OPCML: variants seen among roughly 807,000 people sequenced by gnomAD.
OPCML encodes the protein opioid binding protein/cell adhesion molecule like.
Under a neutral mutation model 37.8 loss-of-function variants are expected in OPCML, and 13 were observed. The observed-to-expected ratio is 0.34, with a 90% CI of 0.22 to 0.55. OPCML has a LOEUF of 0.55. Among genes scored for constraint, OPCML ranks in the 20% least tolerant of loss-of-function variants. The pLI is 0.91. For missense variants in OPCML, 341 were observed against 435.6 expected, an observed-to-expected ratio of 0.78 and a Z score of 1.93; for synonymous variants, 176 against 168.8, an observed-to-expected ratio of 1.04 and a Z score of -0.33.
At chr11:132,698,455 C>T (rs929212356) in intron 2 of OPCML, among the ~76,000 whole-genome samples, 3 of 151,812 alleles carry the variant, frequency 2.0e-5, no homozygotes, top group Non-Finnish European at 4.4e-5. Context: ...GAAAAATGTC[C>T]GTTCAGGTCC....
At chr11:133,142,605 G>C (rs1248700579) in intron 1 of OPCML, among the ~76,000 whole-genome samples, 2 of 152,120 alleles carry the variant, frequency 1.3e-5, no homozygotes, top group Admixed American at 6.5e-5. Flanking sequence ...TTACTCACAT[G>C]GGTAGTCCTG....
chr11:133,301,838 C>T (rs954829070), intron 1 of OPCML: 1 of 152,036 alleles, frequency 6.6e-6, no homozygotes, highest in Non-Finnish European at 1.5e-5. Flanking sequence ...AAAAAGTTAA[C>T]ATAATTTCAG....
chr11:132,830,268 C>T (rs1014132262), intron 2 of OPCML, among the ~76,000 whole-genome samples: 1 of 152,164 alleles, frequency 6.6e-6, no homozygotes, highest in African/African-American at 2.4e-5. Flanking sequence ...TAAACCATGC[C>T]AACTTCTCTG....
intron 2 of OPCML, among the ~76,000 whole-genome samples, chr11:132,663,380 A>G (rs1323079848): frequency 1.3e-5 from 2 of 152,196 alleles, no homozygotes; most frequent in African/African-American, 2.4e-5. Context: ...AACTGAATCT[A>G]TATCTTTATC....
At chr11:133,124,702 G>A (rs984710811) in intron 1 of OPCML, among the ~76,000 whole-genome samples, 2 of 151,996 alleles carry the variant, frequency 1.3e-5, no homozygotes, top group African/African-American at 4.8e-5. Context: ...ACCCTGAAAG[G>A]CTCATGCACC....
intron 7 of OPCML, among the ~76,000 whole-genome samples, chr11:132,434,746 C>T (rs368708641): frequency 8.5e-5 from 13 of 152,050 alleles, no homozygotes; most frequent in East Asian, 3.8e-4. Flanking sequence ...ACCATTAGCC[C>T]TGTTTGCCTT....
At chr11:132,917,640 T>C (rs1432830000) in intron 2 of OPCML, among the ~76,000 whole-genome samples, 5 of 152,210 alleles carry the variant, frequency 3.3e-5, no homozygotes, top group Non-Finnish European at 7.4e-5. Flanking sequence ...AGCTGTAGGT[T>C]TTCTTGTTGC....
chr11:133,035,620 G>GCCCTATTCA (rs2136933646), intron 1 of OPCML, among the ~76,000 whole-genome samples: 2 of 152,184 alleles, frequency 1.3e-5, no homozygotes, highest in South Asian at 4.2e-4. Flanking sequence ...CCCTATTCTT[G>GCCCTATTCA]GGGACTGAAT....
intron 2 of OPCML, among the ~76,000 whole-genome samples, chr11:132,782,917 G>GTATATATATATA (rs59984496): frequency 1.1e-3 from 134 of 125,068 alleles, no homozygotes; most frequent in African/African-American, 2.0e-3. Flanking sequence ...TATAGTGTGT[G>GTATATATATATA]TATATATATA....
chr11:132,686,114 TTCTGA>T (rs1471966178), intron 2 of OPCML, among the ~76,000 whole-genome samples: 1 of 152,180 alleles, frequency 6.6e-6, no homozygotes, highest in Non-Finnish European at 1.5e-5. Flanking sequence ...TCTCCAAACC[TTCTGA>T]TCTATTTCCA....
chr11:133,250,082 T>C (rs1016413221), intron 1 of OPCML, among the ~76,000 whole-genome samples: 1 of 152,242 alleles, frequency 6.6e-6, no homozygotes, highest in African/African-American at 2.4e-5. Flanking sequence ...TCATAAAGTA[T>C]AGACACTTTT....
chr11:132,491,902 G>A (rs916842333), intron 4 of OPCML, among the ~76,000 whole-genome samples: 1 of 151,000 alleles, frequency 6.6e-6, no homozygotes, highest in Non-Finnish European at 1.5e-5. Context: ...AGATATTGTA[G>A]GTGGGGTTTG....
At chr11:132,516,182 C>T (rs376943751) in intron 4 of OPCML, among the ~76,000 whole-genome samples, 31 of 152,246 alleles carry the variant, frequency 2.0e-4, no homozygotes, top group Non-Finnish European at 1.9e-4. Context: ...ATAATTAAAA[C>T]GTCAGCAGTA....
intron 1 of OPCML, among the ~76,000 whole-genome samples, chr11:133,528,803 G>A (rs564059125): frequency 5.9e-5 from 9 of 152,188 alleles, no homozygotes; most frequent in Non-Finnish European, 1.2e-4. Context: ...TTGGGTAAAT[G>A]GGGACCCCTC....
At chr11:132,960,276 G>A (rs1396800807) in intron 1 of OPCML, among the ~76,000 whole-genome samples, 1 of 152,190 alleles carries the variant, frequency 6.6e-6, no homozygotes, top group Non-Finnish European at 1.5e-5. Context: ...CAAGAGTCAA[G>A]ATGTCCCTCG....
At chr11:132,923,649 T>G (rs994732116) in intron 2 of OPCML, among the ~76,000 whole-genome samples, 4 of 152,084 alleles carry the variant, frequency 2.6e-5, no homozygotes, top group African/African-American at 9.7e-5. Context: ...TTGCACCTAC[T>G]TACACAGCTG....
chr11:132,720,519 T>A (rs1015785695), intron 2 of OPCML, among the ~76,000 whole-genome samples: 2 of 152,240 alleles, frequency 1.3e-5, no homozygotes, highest in African/African-American at 2.4e-5. Flanking sequence ...AGGCTGTCAA[T>A]TCAAAGTTCC....
chr11:133,208,615 C>T lies in OPCML; in HGVS notation c.62-265605G>A, dbSNP rs980521522. Among the ~76,000 whole-genome samples the T allele has an allele frequency of 1.1e-4, 17 of 152,210 alleles. No individual in the cohort carries two copies. The highest frequency in any genetic ancestry group is 4.1e-4 in the African/African-American group (17 of 41,456). On this transcript the variant is annotated intron_variant, in intron 1 of 7. Transcript: ENST00000524381. This position sits in a 1 kb window ranked among gnomAD's most constrained non-coding sequence, Gnocchi z 8.9. ...AAGCTGGATTTTGACACATATTTGA[C>T]ATGCATCTCACCTCGAGTTATCCTT...
chr11:132,436,842 G>A lies in OPCML; in HGVS notation c.644-63C>T, dbSNP rs890922649. 359 of 1,570,086 alleles carry A rather than the reference G, an allele frequency of 2.3e-4. 1 individual carries two copies. In the Middle Eastern group the frequency reaches 4.1e-3, roughly 18 times the overall value. The stretch of plus-strand genomic sequence containing the variant: ...ACGCACGCACACACAGAGTGATTTC[G>A]TGAAAGAGATGAAGGGCACATCCAG... On this transcript the variant is annotated intron_variant, in intron 5 of 7. Coordinates refer to ENST00000524381, the MANE Select transcript of OPCML (RefSeq NM_001012393.5).
Sources: gnomAD v4.1 joint callset for allele counts (sites outside exome capture counted in the v4.1 genomes callset) on GRCh38, gnomAD v4.1.1 for gene constraint, Gnocchi (gnomAD v3.1) non-coding constraint, MANE v1.5 for transcripts, NCBI Gene and HGNC (gene_info 2026-07-23, HGNC 2026-07-21) for gene names.